The following NIPBL variants were observed in gnomAD, a reference collection of about 807,000 sequenced individuals.
NIPBL encodes NIPBL cohesin loading factor.
NIPBL carries 19 observed loss-of-function variants against 321.8 expected under a neutral mutation model. The ratio of observed to expected loss-of-function variants is 0.06; its 90% CI spans 0.04 to 0.09. The LOEUF (loss-of-function observed/expected upper bound fraction) is 0.09. Ranked by LOEUF, NIPBL falls within the 10% of genes least tolerant of loss-of-function variation. NIPBL has a pLI of 1.00. For missense variants in NIPBL, 2,210 were observed against 3,327.0 expected, an observed-to-expected ratio of 0.66 and a Z score of 8.26; for synonymous variants, 1,106 against 1,114.1, an observed-to-expected ratio of 0.99 and a Z score of 0.14.
Position 37,055,201 on chromosome 5 carries a change from A to G in NIPBL, c.7264-1985A>G, listed in dbSNP as rs1055324877. 3.9e-5 allele frequency among the ~76,000 whole-genome samples: 6 copies of G among 152,076 alleles called. No individual in the cohort carries two copies. In the East Asian group the frequency reaches 1.2e-3, roughly 29 times the overall value. On this transcript the variant is annotated intron_variant, in intron 42 of 46. Coordinates refer to ENST00000282516, the MANE Select transcript of NIPBL (RefSeq NM_133433.4). Reference sequence around the variant, plus strand: ...CTCTCTCTCCTGAAAATACAAAAAAATTAGCCAGGCATGATGGCGCGCACC... The same window carrying G: ...CTCTCTCTCCTGAAAATACAAAAAAGTTAGCCAGGCATGATGGCGCGCACC...
intron 11 of NIPBL, among the ~76,000 whole-genome samples, chr5:36,999,963 C>T (rs1746598365): frequency 6.6e-6 from 1 of 152,172 alleles, no homozygotes; most frequent in South Asian, 2.1e-4. Context: ...ACCCTGCTCC[C>T]CATCAGTAAT....
At chr5:36,919,009 G>T (rs1436399394) in intron 1 of NIPBL, among the ~76,000 whole-genome samples, 1 of 152,058 alleles carries the variant, frequency 6.6e-6, no homozygotes, top group Non-Finnish European at 1.5e-5. Context: ...GTCTCTGCCA[G>T]GCTTTGGTAT....
chr5:36,906,536 T>C (rs927767868), intron 1 of NIPBL, among the ~76,000 whole-genome samples: 1 of 152,188 alleles, frequency 6.6e-6, no homozygotes, highest in Non-Finnish European at 1.5e-5. Flanking sequence ...TTATTTCTGC[T>C]ACCAGGACAG....
At chr5:36,924,134 G>T (rs1749168290) in intron 1 of NIPBL, among the ~76,000 whole-genome samples, 1 of 152,100 alleles carries the variant, frequency 6.6e-6, no homozygotes, top group Non-Finnish European at 1.5e-5. Context: ...AATGAATATA[G>T]CTCTTAACTT....
chr5:36,999,171 G>A (rs188157115), intron 11 of NIPBL, among the ~76,000 whole-genome samples: 1 of 152,318 alleles, frequency 6.6e-6, no homozygotes, highest in East Asian at 1.9e-4. Flanking sequence ...ACTGGCACAA[G>A]CATAGAGTGC....
chr5:36,919,638 G>A (rs1748763827), intron 1 of NIPBL, among the ~76,000 whole-genome samples: 2 of 152,124 alleles, frequency 1.3e-5, no homozygotes, highest in Admixed American at 6.5e-5. Context: ...TTTCAATTTT[G>A]TAGGCAAAGT....
At position 36,953,680 on chromosome 5, in the gene NIPBL, C is replaced by A; in HGVS notation, c.-17C>A. On this transcript the variant is annotated 5_prime_UTR_variant, in exon 2 of 47. Coordinates refer to ENST00000282516, the MANE Select transcript of NIPBL (RefSeq NM_133433.4). ...AACTAAGTACTTTTATAGGCAACAC[C>A]ATTCCAGAAATTCAGGATGAATGGG... The A allele has an allele frequency of 1.2e-6, 2 of 1,612,240 alleles. No homozygotes were observed.
chr5:37,022,580 A>G (rs1028131374), intron 29 of NIPBL, among the ~76,000 whole-genome samples, 190 bp downstream of exon 29: 1 of 152,240 alleles, frequency 6.6e-6, no homozygotes, highest in East Asian at 1.9e-4. Flanking sequence ...ATCATAAAAC[A>G]AATCATTGGT....
At chr5:36,946,151 C>T (rs1236074992) in intron 1 of NIPBL, among the ~76,000 whole-genome samples, 1 of 151,952 alleles carries the variant, frequency 6.6e-6, no homozygotes, top group Non-Finnish European at 1.5e-5. Flanking sequence ...ATTCTCCCCC[C>T]AGAAATCTTG....
intron 42 of NIPBL, among the ~76,000 whole-genome samples, chr5:37,053,251 A>G (rs190846850): frequency 9.2e-4 from 140 of 152,294 alleles, no homozygotes; most frequent in Middle Eastern, 6.8e-3. Flanking sequence ...ACTGTACTGA[A>G]TACTGTAGAT....
rs1036503116 is a variant in NIPBL at position 37,040,551 on chromosome 5, A to G, written c.6108+1813A>G. 3.9e-5 allele frequency among the ~76,000 whole-genome samples: 6 copies of G among 152,324 alleles called. No homozygotes were observed. The East Asian group carries it at 9.7e-4, about 25-fold the overall frequency. Reference sequence around the variant, plus strand: ...ATCTAATTCCTTGTTTTAGATGGCTATATATTATCCATTTTATGGATGTCC... The same window carrying G: ...ATCTAATTCCTTGTTTTAGATGGCTGTATATTATCCATTTTATGGATGTCC... On this transcript the variant is annotated intron_variant, in intron 34 of 46. Coordinates refer to ENST00000282516, the MANE Select transcript of NIPBL (RefSeq NM_133433.4).
rs572110542 is a variant in NIPBL, at chr5:36,967,515, C to CT, written c.611-3359dup. On this transcript the variant is annotated intron_variant, in intron 6 of 46. Coordinates refer to ENST00000282516, the MANE Select transcript of NIPBL (RefSeq NM_133433.4). ...GAAAAAAGAAAAACAGCAACACTTT[C>CT]TTAACTCTTTTTATAAAGTTAAATT... is the stretch of plus-strand genomic sequence containing the variant. Among the ~76,000 whole-genome samples, 1,181 of 152,238 alleles carry CT rather than the reference C, an allele frequency of 7.8e-3. 20 individuals are homozygous for CT. Among genetic ancestry groups the CT allele is most frequent in the African/African-American group, 0.028 (1,144 of 41,558 alleles).
intron 6 of NIPBL, 139 bp from the exon 7 acceptor site, chr5:36,970,737 T>C: frequency 1.4e-6 from 1 of 726,478 alleles, no homozygotes; most frequent in Non-Finnish European, 2.3e-6. Flanking sequence ...TAAGATTTGA[T>C]GAAACTAGTC....
intron 1 of NIPBL, among the ~76,000 whole-genome samples, chr5:36,881,930 A>G (rs1745535103): frequency 6.6e-6 from 1 of 152,018 alleles, no homozygotes. Context: ...TTAGAAAGAC[A>G]AAGTTCAGCT....
intron 1 of NIPBL, among the ~76,000 whole-genome samples, chr5:36,924,477 C>T (rs1316956162): frequency 6.6e-6 from 1 of 152,066 alleles, no homozygotes; most frequent in Non-Finnish European, 1.5e-5. Flanking sequence ...TGAACTTAGG[C>T]AAATTACTGT....
In NIPBL at chr5:37,038,688, A is replaced by G; in HGVS notation, c.6058A>G (p.Met2020Val). The change falls in exon 34 of 47, where the codon ATG becomes GTG. Residue 2020 changes from methionine (M) to valine (V), a missense_variant. Physicochemically the swap from Met to Val is conservative, Grantham distance 21. This residue lies in a region of NIPBL where 73 missense variants were observed against 222.3 expected (regional missense o/e 0.33). Transcript: ENST00000282516. Reference sequence around the variant, plus strand: ...ATTCAGCAAAATAAGACCCCAGCTCATGGTTAAACATGCAATGACTATGCA... The same window carrying G: ...ATTCAGCAAAATAAGACCCCAGCTCGTGGTTAAACATGCAATGACTATGCA... ...FLFSKIRPQL[M>V]VKHAMTMQPY... is the part of the protein sequence containing the mutation. The G allele has an allele frequency of 6.2e-7, 1 of 1,613,684 alleles. No homozygotes were observed. Among genetic ancestry groups the G allele is most frequent in the Non-Finnish European group, 8.5e-7 (1 of 1,179,724 alleles).
In NIPBL at chr5:36,937,606, T is replaced by C. The variant is rs527898435; in HGVS notation, c.-79-16012T>C. On this transcript the variant is annotated intron_variant, in intron 1 of 46. Coordinates refer to ENST00000282516, the MANE Select transcript of NIPBL (RefSeq NM_133433.4). ...TTGCCTAAAACAGATCTTTAGTTTTTTTAGGAATGCTATTAAGGACCTTCT... is the reference window on the plus strand; with the variant it reads ...TTGCCTAAAACAGATCTTTAGTTTTCTTAGGAATGCTATTAAGGACCTTCT... 2.0e-5 allele frequency among the ~76,000 whole-genome samples: 3 copies of C among 152,276 alleles called. No individual in the cohort carries two copies. The South Asian group carries it at 6.2e-4, about 32-fold the overall frequency.
Position 36,877,080 on chromosome 5 carries a change from G to A in NIPBL, c.-178G>A. 2 of 359,540 alleles carry A rather than the reference G, an allele frequency of 5.6e-6. No individual in the cohort carries two copies. The highest frequency in any genetic ancestry group is 4.7e-5 in the Admixed American group (1 of 21,454). The allele number at this position is 359,540 out of a possible 1,614,324, so 22.3% of individuals were successfully genotyped here. The stretch of plus-strand genomic sequence containing the variant: ...TACATGTTCCCCGCACTGAGGAGAC[G>A]GAAGAGGAGCCGTAGCCACCCCCCC... On this transcript the variant is annotated 5_prime_UTR_variant, in exon 1 of 47. Transcript: ENST00000282516.
rs558569505 is a variant in NIPBL at position 37,018,846 on chromosome 5, G to A, written c.4921-465G>A. ...TGGTTCATAAAAATAATGGCCGGGCGCAGTGGCTTACACCTGTAATCTCAG... is the reference window on the plus strand; with the variant it reads ...TGGTTCATAAAAATAATGGCCGGGCACAGTGGCTTACACCTGTAATCTCAG... On this transcript the variant is annotated intron_variant, in intron 24 of 46. Transcript: ENST00000282516. Among the ~76,000 whole-genome samples the A allele has an allele frequency of 6.6e-5, 10 of 152,108 alleles. No individual in the cohort carries two copies. In the East Asian group the frequency reaches 7.7e-4, roughly 12 times the overall value.
Sources: allele counts gnomAD v4.1 joint callset (sites outside exome capture counted in the v4.1 genomes callset), GRCh38; gene constraint gnomAD v4.1.1; regional missense constraint gnomAD v4.1.1; transcripts MANE v1.5; gene names NCBI Gene and HGNC (gene_info 2026-07-23, HGNC 2026-07-21).